The following ACBD7 variants were observed in gnomAD, a reference collection of about 807,000 sequenced individuals.
The protein encoded by ACBD7 is acyl-CoA-binding domain-containing protein 7.
ACBD7 carries 11 observed loss-of-function variants against 13.7 expected under a neutral mutation model. The observed-to-expected ratio is 0.80, with a 90% CI of 0.50 to 1.33. The LOEUF is 1.33. ACBD7 is among the 40% of genes most tolerant of loss of function. The probability of loss-of-function intolerance (pLI) is 0.00; values close to 1 mark genes in which losing one functional copy is unlikely to be tolerated. For missense variants in ACBD7, 111 were observed against 103.0 expected (o/e 1.08, Z -0.33); for synonymous variants, 43 against 37.7 (o/e 1.14, Z -0.51).
chr10:15,080,890 T>C (rs1190271343), intron 1 of ACBD7, among the ~76,000 whole-genome samples: 1 of 152,192 alleles, frequency 6.6e-6, no homozygotes, highest in Non-Finnish European at 1.5e-5. Context: ...AAGCAGGAAT[T>C]GTCAGTAGGC....
intron 1 of ACBD7, 138 bp downstream of exon 1, chr10:15,088,564 CTACACTGCCATCTGG>C: frequency 9.1e-7 from 1 of 1,099,066 alleles, no homozygotes; most frequent in Non-Finnish European, 1.3e-6. Context: ...CAGGTGCGGT[CTACACTGCCATCTGG>C]GGCGCTGGGG....
intron 1 of ACBD7, among the ~76,000 whole-genome samples, chr10:15,087,967 T>A (rs897267300): frequency 2.6e-5 from 4 of 152,120 alleles, no homozygotes; most frequent in African/African-American, 9.7e-5. Flanking sequence ...TCGCACCAAC[T>A]GCGCCTCAAC....
intron 1 of ACBD7, among the ~76,000 whole-genome samples, chr10:15,085,079 A>G (rs1245149109): frequency 2.6e-5 from 4 of 152,200 alleles, no homozygotes; most frequent in African/African-American, 9.6e-5. Flanking sequence ...CTTTGGCAGG[A>G]ACTGCAGCCA....
rs527342778 is a variant in ACBD7 at position 15,076,606 on chromosome 10, A to T, written c.*1924T>A. 91 of 651,694 alleles carry T rather than the reference A, an allele frequency of 1.4e-4. No individual in the cohort carries two copies. In the African/African-American group the frequency reaches 1.7e-3, roughly 12 times the overall value. 40.4% of individuals were successfully genotyped at this position (651,694 alleles called of 1,614,324 possible). A position where few individuals can be genotyped will look rare whatever the true frequency, so the allele number is the denominator to read the frequency against. The stretch of plus-strand genomic sequence containing the variant: ...CAACCTCCATCTCCTGGGTAAAAGC[A>T]ATTCTCCTGCCTCAGCCTCCCAAGT... On this transcript the variant is annotated 3_prime_UTR_variant, in exon 4 of 4. Coordinates refer to ENST00000356189, the MANE Select transcript of ACBD7 (RefSeq NM_001039844.3).
chr10:15,084,898 C>T (rs946439475), intron 1 of ACBD7, among the ~76,000 whole-genome samples: 6 of 152,086 alleles, frequency 3.9e-5, no homozygotes, highest in Admixed American at 6.6e-5. Context: ...AGGGAGTAGC[C>T]TCCGGTCCTT....
chr10:15,075,976 CAAA>C lies in ACBD7; in HGVS notation c.*2551_*2553del, dbSNP rs10541297. 49,093 of 311,956 alleles carry C rather than the reference CAAA, an allele frequency of 0.16. 707 individuals are homozygous for C. Among genetic ancestry groups the C allele is most frequent in the East Asian group, 0.31 (1,471 of 4,774 alleles). 19.3% of individuals were successfully genotyped at this position (311,956 alleles called of 1,614,324 possible). ...GTAACAGAGTGACAGCCTGTCTCAA[CAAA>C]AAAAAAAAAAAAAAAAAAGAAAAGA... On this transcript the variant is annotated 3_prime_UTR_variant, in exon 4 of 4. Coordinates refer to ENST00000356189, the MANE Select transcript of ACBD7 (RefSeq NM_001039844.3).
intron 1 of ACBD7, among the ~76,000 whole-genome samples, chr10:15,087,998 C>G (rs1045860134): frequency 3.9e-5 from 6 of 151,978 alleles, no homozygotes; most frequent in Non-Finnish European, 7.4e-5. Context: ...GAATGAGACT[C>G]TGTCTCAAAA....
At chr10:15,086,375 T>C (rs1010153043) in intron 1 of ACBD7, among the ~76,000 whole-genome samples, 1 of 152,106 alleles carries the variant, frequency 6.6e-6, no homozygotes, top group Non-Finnish European at 1.5e-5. Context: ...GATAATATCA[T>C]GGGTCGATGT....
intron 1 of ACBD7, 45 bp downstream of exon 1, chr10:15,088,672 C>T: frequency 6.3e-7 from 1 of 1,588,696 alleles, no homozygotes; most frequent in Middle Eastern, 1.7e-4. Context: ...AAGCACTCCC[C>T]TCGCGGAGCG....
intron 1 of ACBD7, among the ~76,000 whole-genome samples, chr10:15,079,449 A>AT (rs199919810): frequency 0.094 from 14,138 of 151,044 alleles, 833 homozygotes; most frequent in Admixed American, 0.16. Context: ...TAATTTTTGT[A>AT]TTTTTTGTAG....
chr10:15,076,629 A>C lies in ACBD7; in HGVS notation c.*1901T>G, dbSNP rs1278323743. On this transcript the variant is annotated 3_prime_UTR_variant, in exon 4 of 4. Coordinates refer to ENST00000356189, the MANE Select transcript of ACBD7 (RefSeq NM_001039844.3). ...GCAATTCTCCTGCCTCAGCCTCCCA[A>C]GTAGCTGGAATTACAGGTGTGCACC... The C allele has an allele frequency of 6.4e-6, 4 of 624,690 alleles. No individual in the cohort carries two copies. Among genetic ancestry groups the C allele is most frequent in the Non-Finnish European group, 8.0e-6 (4 of 501,112 alleles). The allele number at this position is 624,690 out of a possible 1,614,324, so 38.7% of individuals were successfully genotyped here. A position where few individuals can be genotyped will look rare whatever the true frequency, so the allele number is the denominator to read the frequency against.
intron 1 of ACBD7, among the ~76,000 whole-genome samples, chr10:15,085,124 C>T (rs1589261777): frequency 6.6e-6 from 1 of 152,198 alleles, no homozygotes; most frequent in African/African-American, 2.4e-5. Flanking sequence ...GAGGGGTCCT[C>T]GGCATCCTGG....
chr10:15,088,680 G>T (rs1194095997), intron 1 of ACBD7, 37 bp downstream of exon 1: 1 of 1,591,980 alleles, frequency 6.3e-7, no homozygotes. Flanking sequence ...CCCTCGCGGA[G>T]CGCCCCTCCC....
At chr10:15,086,164 C>T (rs1042139203) in intron 1 of ACBD7, among the ~76,000 whole-genome samples, 8 of 151,960 alleles carry the variant, frequency 5.3e-5, no homozygotes, top group South Asian at 4.2e-4. Context: ...AAAAATTAGC[C>T]GGCCGTGGTG....
At chr10:15,086,197 A>G (rs932750471) in intron 1 of ACBD7, among the ~76,000 whole-genome samples, 1 of 152,012 alleles carries the variant, frequency 6.6e-6, no homozygotes, top group Non-Finnish European at 1.5e-5. Flanking sequence ...AATTCCAGCT[A>G]CTAGGAGGCT....
chr10:15,083,156 C>T (rs1844769465), intron 1 of ACBD7, among the ~76,000 whole-genome samples: 1 of 152,252 alleles, frequency 6.6e-6, no homozygotes. Context: ...CTCTTTCTCC[C>T]TCCCTAGGTA....
intron 1 of ACBD7, 103 bp downstream of exon 1, chr10:15,088,614 C>A: frequency 2.1e-6 from 3 of 1,456,274 alleles, no homozygotes; most frequent in Middle Eastern, 2.2e-4. Context: ...TCCCCCGGGT[C>A]ACCGCCGACC....
chr10:15,081,689 T>G (rs1007242574), intron 1 of ACBD7, among the ~76,000 whole-genome samples: 1 of 152,222 alleles, frequency 6.6e-6, no homozygotes, highest in Admixed American at 6.5e-5. Context: ...GCTGAGAGAG[T>G]AAGCAGCCGG....
At chr10:15,079,447 G>C (rs570218766) in intron 1 of ACBD7, among the ~76,000 whole-genome samples, 1 of 148,328 alleles carries the variant, frequency 6.7e-6, no homozygotes, top group African/African-American at 2.5e-5. Context: ...GCTAATTTTT[G>C]TATTTTTTGT....
Sources: allele counts gnomAD v4.1 joint callset (sites outside exome capture counted in the v4.1 genomes callset), GRCh38; gene constraint gnomAD v4.1.1; transcripts MANE v1.5; gene names NCBI Gene and HGNC (gene_info 2026-07-23, HGNC 2026-07-21).